Variants in LRRC7 observed in about 807,000 individuals in gnomAD.
LRRC7 encodes the protein leucine-rich repeat-containing protein 7.
A neutral mutation model predicts 175.7 loss-of-function variants in LRRC7; 23 were observed. The ratio of observed to expected loss-of-function variants is 0.13; its 90% CI spans 0.09 to 0.19. LRRC7 has a LOEUF of 0.19. LRRC7 is among the 10% of genes least tolerant of loss of function. The probability of loss-of-function intolerance (pLI) is 1.00; values close to 1 mark genes in which losing one functional copy is unlikely to be tolerated. For synonymous variants in LRRC7, 685 were observed against 680.9 expected, an observed-to-expected ratio of 1.01 and a Z score of -0.09; for missense variants, 1,354 against 1,904.7, an observed-to-expected ratio of 0.71 and a Z score of 5.38.
At position 70,038,764 on chromosome 1, in the gene LRRC7, T is replaced by C; in HGVS notation, c.2940T>C (p.Asn980=). The part of the protein sequence containing the change: ...LSPLMKDIKS[N]KFKKSQSIDE... ...CCCTAATGAAAGATATCAAGTCTAA[T>C]AAATTCAAAAAGTCACAGAGTATCG... Residue 980 remains asparagine, a synonymous_variant, in exon 21 of 27, where the codon AAT becomes AAC. Transcript: ENST00000651989. 1 of 1,613,898 alleles carries C rather than the reference T, an allele frequency of 6.2e-7. No homozygotes were observed. Among genetic ancestry groups the C allele is most frequent in the Non-Finnish European group, 8.5e-7 (1 of 1,179,962 alleles).
intron 10 of LRRC7, among the ~76,000 whole-genome samples, chr1:69,988,614 G>A (rs1654153584): frequency 6.6e-6 from 1 of 152,140 alleles, no homozygotes; most frequent in Non-Finnish European, 1.5e-5. Context: ...ACTTACAAAA[G>A]ATTAGGGCGG....
chr1:69,854,339 A>C (rs1023508064), intron 7 of LRRC7, among the ~76,000 whole-genome samples: 1 of 152,124 alleles, frequency 6.6e-6, no homozygotes, highest in Non-Finnish European at 1.5e-5. Context: ...CTCTACAAAA[A>C]AATAAATTTA....
At chr1:69,886,657 A>G (rs11488199) in intron 7 of LRRC7, among the ~76,000 whole-genome samples, 7 of 145,456 alleles carry the variant, frequency 4.8e-5, no homozygotes, top group Non-Finnish European at 1.1e-4. Context: ...TGATCCTGTC[A>G]TTATGATGTT....
At chr1:69,608,192 A>G (rs960705197) in intron 1 of LRRC7, 5 of 152,244 alleles carry the variant, frequency 3.3e-5, no homozygotes, top group African/African-American at 1.2e-4. Flanking sequence ...TTAGCATAGC[A>G]TATCTACAAA....
At chr1:69,639,555 C>G (rs1328047455) in intron 1 of LRRC7, among the ~76,000 whole-genome samples, 1 of 151,780 alleles carries the variant, frequency 6.6e-6, no homozygotes. Context: ...AAGACAGGAG[C>G]CTTCCTGTAT....
At position 69,717,078 on chromosome 1, in the gene LRRC7, CTT is replaced by C. The variant is rs11331627; in HGVS notation, c.100+38607_100+38608del. On this transcript the variant is annotated intron_variant, in intron 2 of 26. Transcript: ENST00000651989. ...ATCTACATATATACATATATACATA[CTT>C]TTTTTTCAAGATAGAACTTAATACA... is the stretch of plus-strand genomic sequence containing the variant. Among the ~76,000 whole-genome samples the C allele has an allele frequency of 7.8e-3, 1,183 of 150,986 alleles. 6 individuals are homozygous for C. Among genetic ancestry groups the C allele is most frequent in the African/African-American group, 0.027 (1,120 of 41,326 alleles).
intron 2 of LRRC7, among the ~76,000 whole-genome samples, chr1:69,681,651 CT>C (rs1357259051): frequency 6.6e-6 from 1 of 152,020 alleles, no homozygotes; most frequent in Non-Finnish European, 1.5e-5. Flanking sequence ...AAAATAAAAA[CT>C]TTGTCCTCAA....
rs1419720535 is a variant in LRRC7 at position 70,141,984 on chromosome 1, T to TATC, written c.*20098_*20100dup. ...AAAGAAATCACATTGTATTTCTTTG[T>TATC]ATCTCTCCATTCCTCTTACCCTTCC... On this transcript the variant is annotated 3_prime_UTR_variant, in exon 27 of 27. Coordinates refer to ENST00000651989, the MANE Select transcript of LRRC7 (RefSeq NM_001370785.2). The TATC allele has an allele frequency of 1.3e-5, 2 of 152,110 alleles. No individual in the cohort carries two copies. Among genetic ancestry groups the TATC allele is most frequent in the African/African-American group, 4.8e-5 (2 of 41,440 alleles). The allele number at this position is 152,110 out of a possible 1,614,324, so 9.4% of individuals were successfully genotyped here.
intron 1 of LRRC7, among the ~76,000 whole-genome samples, chr1:69,626,541 T>A (rs1407167377): frequency 6.6e-6 from 1 of 152,022 alleles, no homozygotes; most frequent in Non-Finnish European, 1.5e-5. Flanking sequence ...ACATTTCTTA[T>A]AATACTTTAT....
chr1:70,027,694 A>G (rs757257641), intron 17 of LRRC7, among the ~76,000 whole-genome samples: 7 of 151,872 alleles, frequency 4.6e-5, no homozygotes, highest in Admixed American at 3.9e-4. Context: ...GATATTGTCA[A>G]CTCCCCAGTT....
At chr1:69,824,188 C>G (rs1679628232) in intron 4 of LRRC7, among the ~76,000 whole-genome samples, 1 of 152,092 alleles carries the variant, frequency 6.6e-6, no homozygotes, top group South Asian at 2.1e-4. Context: ...GGTGATAAGG[C>G]ATCATGTATA....
intron 1 of LRRC7, among the ~76,000 whole-genome samples, chr1:69,587,358 G>T (rs572114925): frequency 6.6e-6 from 1 of 152,140 alleles, no homozygotes; most frequent in East Asian, 1.9e-4. Context: ...TGATTCCAGT[G>T]GGCCCTGAGT....
chr1:70,051,249 C>T (rs1660723386), intron 22 of LRRC7, among the ~76,000 whole-genome samples: 1 of 151,846 alleles, frequency 6.6e-6, no homozygotes, highest in Admixed American at 6.6e-5. Flanking sequence ...TAAATTGTGG[C>T]CACTTCTTAA....
chr1:70,010,199 G>A (rs1656374547), intron 11 of LRRC7, among the ~76,000 whole-genome samples: 1 of 152,120 alleles, frequency 6.6e-6, no homozygotes, highest in Non-Finnish European at 1.5e-5. Flanking sequence ...CAACCCATAT[G>A]CTTAATTTCT....
At position 70,138,149 on chromosome 1, in the gene LRRC7, T is replaced by C. The variant is rs1241840886; in HGVS notation, c.*16262T>C. The C allele has an allele frequency of 6.6e-6, 1 of 152,190 alleles. No homozygotes were observed. Among genetic ancestry groups the C allele is most frequent in the Non-Finnish European group, 1.5e-5 (1 of 68,034 alleles). The allele number at this position is 152,190 out of a possible 1,614,324, so 9.4% of individuals were successfully genotyped here. A position where few individuals can be genotyped will look rare whatever the true frequency, so the allele number is the denominator to read the frequency against. ...TGCGCATCAACTTAGAAAATGTGAATTGATTAAAAATATGTGATGGATTGT... is the reference window on the plus strand; with the variant it reads ...TGCGCATCAACTTAGAAAATGTGAACTGATTAAAAATATGTGATGGATTGT... On this transcript the variant is annotated 3_prime_UTR_variant, in exon 27 of 27. Coordinates refer to ENST00000651989, the MANE Select transcript of LRRC7 (RefSeq NM_001370785.2).
At chr1:69,640,663 T>C (rs942794572) in intron 1 of LRRC7, among the ~76,000 whole-genome samples, 1 of 149,262 alleles carries the variant, frequency 6.7e-6, no homozygotes, top group Non-Finnish European at 1.5e-5. Flanking sequence ...CTAACTTTGG[T>C]AAATAAAGTA....
At chr1:70,013,536 C>T (rs987089110) in intron 13 of LRRC7, among the ~76,000 whole-genome samples, 1 of 151,862 alleles carries the variant, frequency 6.6e-6, no homozygotes, top group Non-Finnish European at 1.5e-5. Context: ...CATCAAAGTG[C>T]TCATTAGAAT....
chr1:69,923,621 T>C (rs1002958570), intron 7 of LRRC7, among the ~76,000 whole-genome samples: 2 of 152,244 alleles, frequency 1.3e-5, no homozygotes, highest in Admixed American at 6.5e-5. Context: ...TGTCTGTTCA[T>C]GTCCTTTGCC....
At chr1:70,071,823 A>G (rs1368666947) in intron 23 of LRRC7, among the ~76,000 whole-genome samples, 3 of 152,226 alleles carry the variant, frequency 2.0e-5, no homozygotes, top group Admixed American at 6.5e-5. Context: ...CAAATTGAGT[A>G]ACATAATATA....
Sources: gnomAD v4.1 joint callset for allele counts (sites outside exome capture counted in the v4.1 genomes callset) on GRCh38, gnomAD v4.1.1 for gene constraint, MANE v1.5 for transcripts, NCBI Gene and HGNC (gene_info 2026-07-23, HGNC 2026-07-21) for gene names.